Variants in TMEM132C observed in about 807,000 individuals in gnomAD.
TMEM132C encodes the protein transmembrane protein 132C, also known as protein phosphatase 1, regulatory subunit 152.
TMEM132C carries 29 observed loss-of-function variants against 61.4 expected under a neutral mutation model. The ratio of observed to expected loss-of-function variants is 0.47; its 90% CI spans 0.35 to 0.64. The LOEUF (loss-of-function observed/expected upper bound fraction) is 0.64. Among genes scored for constraint, TMEM132C ranks in the 30% least tolerant of loss-of-function variants. The pLI is 0.00. For missense variants in TMEM132C, 1,408 were observed against 1,476.9 expected, an observed-to-expected ratio of 0.95 and a Z score of 0.76; for synonymous variants, 656 against 633.1, an observed-to-expected ratio of 1.04 and a Z score of -0.54.
chr12:128,660,724 C>T (rs535181078), intron 4 of TMEM132C, among the ~76,000 whole-genome samples: 51 of 152,342 alleles, frequency 3.3e-4, no homozygotes, highest in Non-Finnish European at 6.0e-4. Context: ...TGGCCCAAAG[C>T]CAGGCCTTAG....
chr12:128,424,240 G>A (rs1024920737), intron 2 of TMEM132C, among the ~76,000 whole-genome samples: 4 of 152,018 alleles, frequency 2.6e-5, no homozygotes, highest in Non-Finnish European at 4.4e-5. Flanking sequence ...TCCTACTTAT[G>A]CACAAAATAT....
chr12:128,364,039 G>A (rs1044695940), intron 1 of TMEM132C, among the ~76,000 whole-genome samples: 1 of 152,038 alleles, frequency 6.6e-6, no homozygotes, highest in African/African-American at 2.4e-5. Context: ...TGCCTTGAAG[G>A]GAAAGCAGGA....
intron 4 of TMEM132C, among the ~76,000 whole-genome samples, chr12:128,617,647 G>A (rs1334410849): frequency 6.6e-6 from 1 of 151,994 alleles, no homozygotes; most frequent in Non-Finnish European, 1.5e-5. Context: ...GGGCAGGTGT[G>A]GAATCAGGTG....
intron 3 of TMEM132C, among the ~76,000 whole-genome samples, chr12:128,598,236 G>A (rs1309193639): frequency 6.6e-6 from 1 of 152,128 alleles, no homozygotes; most frequent in Non-Finnish European, 1.5e-5. Context: ...GGCCAACATG[G>A]CGGAACCCCA....
intron 2 of TMEM132C, among the ~76,000 whole-genome samples, chr12:128,421,286 A>T (rs1453032536): frequency 6.6e-6 from 1 of 152,238 alleles, no homozygotes; most frequent in African/African-American, 2.4e-5. Context: ...CATGTGGTGT[A>T]TATATCATCC....
At chr12:128,675,382 G>A (rs1483504079) in intron 5 of TMEM132C, among the ~76,000 whole-genome samples, 2 of 152,174 alleles carry the variant, frequency 1.3e-5, no homozygotes, top group Admixed American at 1.3e-4. Flanking sequence ...ACCTGCCTGA[G>A]GTCACGCAAC....
At chr12:128,519,542 T>G (rs1164224913) in intron 2 of TMEM132C, among the ~76,000 whole-genome samples, 1 of 152,230 alleles carries the variant, frequency 6.6e-6, no homozygotes. Flanking sequence ...CCCTTCCTTA[T>G]GTCCTTTAAG....
At chr12:128,538,310 G>A (rs1002309968) in intron 2 of TMEM132C, among the ~76,000 whole-genome samples, 2 of 152,144 alleles carry the variant, frequency 1.3e-5, no homozygotes, top group Non-Finnish European at 2.9e-5. Context: ...TTTCAGTAGA[G>A]ACGGGGTTTC....
intron 1 of TMEM132C, among the ~76,000 whole-genome samples, chr12:128,323,877 G>A (rs1872420634): frequency 6.6e-6 from 1 of 152,164 alleles, no homozygotes; most frequent in Non-Finnish European, 1.5e-5. Flanking sequence ...AAGAGAGGAA[G>A]AGAGGAGGAA....
At chr12:128,277,240 A>G (rs981825204) in intron 1 of TMEM132C, among the ~76,000 whole-genome samples, 2 of 152,242 alleles carry the variant, frequency 1.3e-5, no homozygotes, top group African/African-American at 2.4e-5. Context: ...TTGTTCAGTA[A>G]CTGCAAAGTC....
intron 3 of TMEM132C, among the ~76,000 whole-genome samples, chr12:128,554,717 G>GC (rs1482410882): frequency 6.6e-6 from 1 of 152,166 alleles, no homozygotes; most frequent in Non-Finnish European, 1.5e-5. Flanking sequence ...AGACTCAGCT[G>GC]CCCCTCATTT....
At position 128,697,423 on chromosome 12, in the gene TMEM132C, G is replaced by T; in HGVS notation, c.2121+8G>T. The T allele has an allele frequency of 6.6e-7, 1 of 1,525,972 alleles. No individual in the cohort carries two copies. The highest frequency in any genetic ancestry group is 2.5e-5 in the East Asian group (1 of 40,276). 94.5% of individuals were successfully genotyped at this position (1,525,972 alleles called of 1,614,324 possible). A position where few individuals can be genotyped will look rare whatever the true frequency, so the allele number is the denominator to read the frequency against. Reference sequence around the variant, plus strand: ...CTGCGGACCCCCAAACAGGTAGGGGGCCAAATGCCAGAGGTTCAGAGGGAG... The same window carrying T: ...CTGCGGACCCCCAAACAGGTAGGGGTCCAAATGCCAGAGGTTCAGAGGGAG... On this transcript the variant is annotated splice_region_variant and intron_variant, in intron 8 of 8. Transcript: ENST00000435159.
At position 128,417,945 on chromosome 12, in the gene TMEM132C, C is replaced by A. The variant is rs562361708; in HGVS notation, c.974+2325C>A. Among the ~76,000 whole-genome samples, 5 of 152,212 alleles carry A rather than the reference C, an allele frequency of 3.3e-5. No homozygotes were observed. The East Asian group carries it at 9.7e-4, about 29-fold the overall frequency. ...TTTGTAGCACAGAGGTTACTAATGG[C>A]GTGGCTCTGGGGTGTAAGACTTAGT... On this transcript the variant is annotated intron_variant, in intron 2 of 8. Transcript: ENST00000435159.
chr12:128,329,378 T>A (rs953061996), intron 1 of TMEM132C, among the ~76,000 whole-genome samples: 1 of 152,162 alleles, frequency 6.6e-6, no homozygotes, highest in Non-Finnish European at 1.5e-5. Flanking sequence ...TGAAGATTAA[T>A]CCTTTGAGGA....
intron 1 of TMEM132C, among the ~76,000 whole-genome samples, chr12:128,283,824 C>A (rs1465924617): frequency 1.3e-5 from 2 of 152,112 alleles, no homozygotes; most frequent in Admixed American, 6.6e-5. Flanking sequence ...AATCTCCAGC[C>A]CCTGATGCCG....
chr12:128,303,681 G>A (rs1485925625), intron 1 of TMEM132C, among the ~76,000 whole-genome samples: 1 of 152,202 alleles, frequency 6.6e-6, no homozygotes, highest in Admixed American at 6.5e-5. Flanking sequence ...AATGGTGGCT[G>A]TTTTCCTCGC....
chr12:128,360,126 C>T (rs747543078), intron 1 of TMEM132C, among the ~76,000 whole-genome samples: 3 of 152,092 alleles, frequency 2.0e-5, no homozygotes, highest in Non-Finnish European at 4.4e-5. Context: ...GCAACAATAA[C>T]GAAACCAACA....
chr12:128,506,594 T>C (rs1872368746), intron 2 of TMEM132C, among the ~76,000 whole-genome samples: 7 of 152,034 alleles, frequency 4.6e-5, no homozygotes, highest in Admixed American at 4.6e-4. Context: ...CCCTAGGCCA[T>C]TGTGGGTAGG....
intron 2 of TMEM132C, among the ~76,000 whole-genome samples, chr12:128,489,170 CT>C (rs1871614753): frequency 6.6e-6 from 1 of 152,082 alleles, no homozygotes; most frequent in African/African-American, 2.4e-5. Context: ...TTCCTCTCCC[CT>C]GTCCACCCCA....
Sources: allele counts gnomAD v4.1 joint callset (sites outside exome capture counted in the v4.1 genomes callset), GRCh38; gene constraint gnomAD v4.1.1; transcripts MANE v1.5; gene names NCBI Gene and HGNC (gene_info 2026-07-23, HGNC 2026-07-21).